The following MTA3 variants were observed in gnomAD, a reference collection of about 807,000 sequenced individuals.
MTA3 encodes metastasis-associated protein MTA3.
A neutral mutation model predicts 83.5 loss-of-function variants in MTA3; 34 were observed. That is an observed-to-expected ratio of 0.41 (90% CI 0.31 to 0.54). MTA3 has a LOEUF of 0.54. Among genes scored for constraint, MTA3 ranks in the 20% least tolerant of loss-of-function variants. The pLI is 0.33. For synonymous variants in MTA3, 303 were observed against 252.7 expected (o/e 1.20, Z -1.89); for missense variants, 761 against 726.4 (o/e 1.05, Z -0.55).
At chr2:42,505,246 G>GC (rs1674579742) in intron 2 of MTA3, among the ~76,000 whole-genome samples, 1 of 152,044 alleles carries the variant, frequency 6.6e-6, no homozygotes, top group South Asian at 2.1e-4. Flanking sequence ...CAAAAAATTA[G>GC]CCCGGCGTGG....
At chr2:42,583,865 G>C (rs1026202245) in intron 3 of MTA3, among the ~76,000 whole-genome samples, 3 of 147,700 alleles carry the variant, frequency 2.0e-5, no homozygotes, top group African/African-American at 7.5e-5. Flanking sequence ...TTTTGAGTTG[G>C]AGTTTCGCTT....
At chr2:42,616,310 G>A (rs1486838110) in intron 4 of MTA3, among the ~76,000 whole-genome samples, 3 of 151,682 alleles carry the variant, frequency 2.0e-5, no homozygotes, top group Non-Finnish European at 2.9e-5. Context: ...TGATCTGCCT[G>A]CTTTGGCCTC....
chr2:42,498,723 G>A (rs1341528355), intron 2 of MTA3, among the ~76,000 whole-genome samples: 1 of 152,174 alleles, frequency 6.6e-6, no homozygotes, highest in Non-Finnish European at 1.5e-5. Flanking sequence ...CTGACCTGGG[G>A]TCTGCAGCAG....
At chr2:42,706,527 A>T (rs1429601729) in intron 12 of MTA3, among the ~76,000 whole-genome samples, 1 of 152,202 alleles carries the variant, frequency 6.6e-6, no homozygotes, top group Admixed American at 6.5e-5. Context: ...TTGGTTTGTG[A>T]AGTGTTAGTT....
intron 2 of MTA3, among the ~76,000 whole-genome samples, chr2:42,549,601 CATATATA>C (rs1244165358): frequency 2.3e-4 from 26 of 115,528 alleles, no homozygotes; most frequent in African/African-American, 8.0e-4. Flanking sequence ...TATACATATA[CATATATA>C]ATATATAATA....
At chr2:42,651,730 T>A (rs917192241) in intron 6 of MTA3, among the ~76,000 whole-genome samples, 3 of 148,132 alleles carry the variant, frequency 2.0e-5, no homozygotes, top group African/African-American at 7.5e-5. Context: ...CCCAGGAGAT[T>A]GAAGCTGCAG....
chr2:42,552,308 A>G (rs1419519922), intron 2 of MTA3, among the ~76,000 whole-genome samples: 1 of 152,194 alleles, frequency 6.6e-6, no homozygotes, highest in Non-Finnish European at 1.5e-5. Context: ...TATGAATCAG[A>G]TGGGATTTGG....
chr2:42,711,445 TG>T, intron 14 of MTA3, among the ~76,000 whole-genome samples: 1 of 152,230 alleles, frequency 6.6e-6, no homozygotes, highest in Non-Finnish European at 1.5e-5. Context: ...GTCGTCTATC[TG>T]GATGAAATTC....
intron 8 of MTA3, among the ~76,000 whole-genome samples, chr2:42,665,366 T>G (rs1031595775): frequency 1.3e-5 from 2 of 150,716 alleles, no homozygotes; most frequent in African/African-American, 4.9e-5. Flanking sequence ...CACTTCAGCC[T>G]GGGTGACAGA....
intron 16 of MTA3, among the ~76,000 whole-genome samples, chr2:42,740,753 G>A (rs1019060831): frequency 3.3e-5 from 5 of 152,218 alleles, no homozygotes; most frequent in Non-Finnish European, 5.9e-5. Context: ...GTAAACAGAG[G>A]TGCTATCATT....
chr2:42,520,519 C>T (rs1675376234), intron 2 of MTA3, among the ~76,000 whole-genome samples: 1 of 152,092 alleles, frequency 6.6e-6, no homozygotes. Flanking sequence ...CCTTATGAAT[C>T]ATTTATACCT....
At chr2:42,501,627 A>C (rs1674398363) in intron 2 of MTA3, among the ~76,000 whole-genome samples, 1 of 152,208 alleles carries the variant, frequency 6.6e-6, no homozygotes, top group Admixed American at 6.5e-5. Context: ...AGCGAGACAA[A>C]GTGAGGCATT....
At chr2:42,529,986 G>T (rs1055312867) in intron 2 of MTA3, among the ~76,000 whole-genome samples, 5 of 151,954 alleles carry the variant, frequency 3.3e-5, no homozygotes, top group Non-Finnish European at 5.9e-5. Context: ...AGGAGTTCGA[G>T]ACCAGCCTGG....
intron 2 of MTA3, among the ~76,000 whole-genome samples, chr2:42,504,663 T>C (rs567819819): frequency 6.6e-6 from 1 of 151,298 alleles, no homozygotes; most frequent in East Asian, 1.9e-4. Flanking sequence ...CCTTTAAGCT[T>C]GCTTTTTTTT....
rs569389731 is a variant in MTA3 at position 42,713,672 on chromosome 2, T to C, written c.1525+4576T>C. 3.9e-5 allele frequency among the ~76,000 whole-genome samples: 6 copies of C among 152,334 alleles called. No homozygotes were observed. The East Asian group carries it at 1.2e-3, about 29-fold the overall frequency. On this transcript the variant is annotated intron_variant, in intron 14 of 16. Transcript: ENST00000405094. ...AGAGTCTAAGTAGGCTTATTGTTTG[T>C]TTCTATATGATATTAACATACTGTC...
At chr2:42,586,286 A>C (rs1220291337) in intron 3 of MTA3, among the ~76,000 whole-genome samples, 1 of 151,784 alleles carries the variant, frequency 6.6e-6, no homozygotes, top group Admixed American at 6.6e-5. Flanking sequence ...AAAGAAAAAA[A>C]AAAAAAAGAA....
intron 13 of MTA3, 43 bp downstream of exon 13, chr2:42,708,097 A>G (rs1666255742): frequency 1.9e-6 from 3 of 1,562,552 alleles, no homozygotes; most frequent in Non-Finnish European, 2.6e-6. Context: ...ATGTTTTTAA[A>G]TGGGTTGATT....
intron 2 of MTA3, among the ~76,000 whole-genome samples, chr2:42,523,997 A>G (rs916278822): frequency 6.6e-6 from 1 of 152,156 alleles, no homozygotes; most frequent in African/African-American, 2.4e-5. Flanking sequence ...AAAAAAAACC[A>G]GTAACTTAAC....
At position 42,756,682 on chromosome 2, in the gene MTA3, A is replaced by G; in HGVS notation, c.*3283A>G. On this transcript the variant is annotated 3_prime_UTR_variant, in exon 17 of 17. Transcript: ENST00000405094. ...GTTGTCCCTGTTTTCCTTTGGGGGA[A>G]TTTACTCAGTTAGCAGCCCCTCCTC... 1.0e-6 allele frequency: 1 copy of G among 985,318 alleles called. No homozygotes were observed. The highest frequency in any genetic ancestry group is 1.2e-6 in the Non-Finnish European group (1 of 829,946). The allele number at this position is 985,318 out of a possible 1,614,324, so 61.0% of individuals were successfully genotyped here.
Sources: allele counts gnomAD v4.1 joint callset (sites outside exome capture counted in the v4.1 genomes callset), GRCh38; gene constraint gnomAD v4.1.1; transcripts MANE v1.5; gene names NCBI Gene and HGNC (gene_info 2026-07-23, HGNC 2026-07-21).